Variants in BAZ1A observed in about 807,000 individuals in gnomAD.
The protein encoded by BAZ1A is bromodomain adjacent to zinc finger domain protein 1A.
Under a neutral mutation model 185.2 loss-of-function variants are expected in BAZ1A, and 50 were observed. The ratio of observed to expected loss-of-function variants is 0.27; its 90% CI spans 0.22 to 0.34. The LOEUF is 0.34. BAZ1A is among the 10% of genes least tolerant of loss of function. The pLI, the probability that BAZ1A is intolerant of heterozygous loss-of-function variation, is 1.00. For missense variants in BAZ1A, 1,356 were observed against 1,839.9 expected, an observed-to-expected ratio of 0.74 and a Z score of 4.81; for synonymous variants, 571 against 615.6, an observed-to-expected ratio of 0.93 and a Z score of 1.07.
intron 4 of BAZ1A, among the ~76,000 whole-genome samples, chr14:34,821,043 C>A (rs1002796449): frequency 6.6e-6 from 1 of 152,154 alleles, no homozygotes; most frequent in African/African-American, 2.4e-5. Context: ...TTCTGGGTCT[C>A]CCGTCTCTCC....
At chr14:34,862,809 AAAAGG>A (rs2042790766) in intron 2 of BAZ1A, among the ~76,000 whole-genome samples, 1 of 151,672 alleles carries the variant, frequency 6.6e-6, no homozygotes, top group African/African-American at 2.4e-5. Context: ...GGAAAAGAGA[AAAAGG>A]AAAGAAAATA....
At chr14:34,863,149 C>T (rs1417050295) in intron 2 of BAZ1A, among the ~76,000 whole-genome samples, 2 of 123,114 alleles carry the variant, frequency 1.6e-5, no homozygotes, top group African/African-American at 3.0e-5. Flanking sequence ...CCACCACGCT[C>T]GGCTTTTTTT....
intron 24 of BAZ1A, among the ~76,000 whole-genome samples, chr14:34,759,192 T>C (rs1476283662): frequency 7.4e-6 from 1 of 135,844 alleles, no homozygotes; most frequent in Non-Finnish European, 1.6e-5. Context: ...TTTTTTTTTT[T>C]TTTTTTGAGA....
At position 34,774,454 on chromosome 14, in the gene BAZ1A, C is replaced by T. The variant is rs1444941863; in HGVS notation, c.2870G>A (p.Arg957Gln). The T allele has an allele frequency of 5.6e-6, 9 of 1,608,996 alleles. No homozygotes were observed. Among genetic ancestry groups the T allele is most frequent in the South Asian group, 1.1e-5 (1 of 89,936 alleles). The part of the protein sequence containing the change: ...PQPDSKPTYS[R>Q]GRSSNAYDPS... ...ATCATATGCATTGGAAGATCTTCCC[C>T]GACTATATGTTGGTTTGCTATCAGG... The change falls in exon 19 of 27, where the codon CGG becomes CAG. Residue 957 changes from arginine to glutamine, a missense_variant. Arg to Gln is a conservative substitution (Grantham distance 43). Around this residue, in one of 7 missense-constraint regions of BAZ1A, gnomAD observed 434 missense variants for 561.7 expected, o/e 0.77. Coordinates refer to ENST00000360310, the MANE Select transcript of BAZ1A (RefSeq NM_013448.3).
At position 34,874,508 on chromosome 14, in the gene BAZ1A, T is replaced by G; in HGVS notation, c.97A>C (p.Ile33Leu). 2 of 1,611,952 alleles carry G rather than the reference T, an allele frequency of 1.2e-6. No individual in the cohort carries two copies. Among genetic ancestry groups the G allele is most frequent in the Non-Finnish European group, 1.7e-6 (2 of 1,179,132 alleles). Residue 33 changes from isoleucine to leucine, a missense_variant, in exon 2 of 27, where the codon ATC (isoleucine) becomes CTC (leucine). Ile to Leu is a conservative substitution (Grantham distance 5, BLOSUM62 2). Coordinates refer to ENST00000360310, the MANE Select transcript of BAZ1A (RefSeq NM_013448.3). The surrounding 1 kb of genome is among the most constrained non-coding windows in gnomAD (Gnocchi z 4.7). The part of the protein sequence containing the change: ...EVFYCKVTNE[I>L]FRHYDDFFER... Reference sequence around the variant, plus strand: ...GGCTCTTACTCGTAGTGGCGGAAGATCTCGTTGGTGACTTTACAGTAGAAA... The same window carrying G: ...GGCTCTTACTCGTAGTGGCGGAAGAGCTCGTTGGTGACTTTACAGTAGAAA...
At chr14:34,796,842 A>T (rs1156621019) in intron 9 of BAZ1A, among the ~76,000 whole-genome samples, 2 of 152,246 alleles carry the variant, frequency 1.3e-5, no homozygotes, top group Non-Finnish European at 2.9e-5. Context: ...GCTTAAATAA[A>T]TTATCCACCC....
chr14:34,800,201 A>G, intron 9 of BAZ1A, 23 bp downstream of exon 9: 1 of 1,364,920 alleles, frequency 7.3e-7, no homozygotes, highest in Non-Finnish European at 9.9e-7. Flanking sequence ...TAGAGAGTAT[A>G]GCTAATATAC....
chr14:34,807,969 G>A (rs578077917), intron 5 of BAZ1A, among the ~76,000 whole-genome samples: 37 of 152,104 alleles, frequency 2.4e-4, no homozygotes, highest in Non-Finnish European at 4.6e-4. Context: ...GCAGGGTGTG[G>A]TGGCGCGTGC....
intron 4 of BAZ1A, among the ~76,000 whole-genome samples, chr14:34,818,558 A>G (rs997317156): frequency 6.6e-6 from 1 of 152,188 alleles, no homozygotes; most frequent in African/African-American, 2.4e-5. Flanking sequence ...TACATATTCT[A>G]TGGGTTTTCA....
At chr14:34,781,365 C>CT (rs1331245173) in intron 16 of BAZ1A, among the ~76,000 whole-genome samples, 1 of 152,084 alleles carries the variant, frequency 6.6e-6, no homozygotes, top group African/African-American at 2.4e-5. Context: ...TCCAGAACAC[C>CT]TTCATCATAC....
At position 34,809,249 on chromosome 14, in the gene BAZ1A, T is replaced by C. The variant is rs183450086; in HGVS notation, c.638+1686A>G. Among the ~76,000 whole-genome samples the C allele has an allele frequency of 3.4e-3, 515 of 152,238 alleles. 3 individuals are homozygous for C. The highest frequency in any genetic ancestry group is 0.012 in the African/African-American group (493 of 41,558). On this transcript the variant is annotated intron_variant, in intron 5 of 26. Transcript: ENST00000360310. Reference sequence around the variant, plus strand: ...TTCTTTTCCTAGACTTAAAGCTCCATGAGAACAAGGACTCTGCTACATCTC... The same window carrying C: ...TTCTTTTCCTAGACTTAAAGCTCCACGAGAACAAGGACTCTGCTACATCTC...
Position 34,841,552 on chromosome 14 carries a change from G to A in BAZ1A, c.393-15396C>T, listed in dbSNP as rs1035573663. Among the ~76,000 whole-genome samples the A allele has an allele frequency of 4.6e-5, 7 of 152,048 alleles. No individual in the cohort carries two copies. In the East Asian group the frequency reaches 5.8e-4, roughly 13 times the overall value. On this transcript the variant is annotated intron_variant, in intron 3 of 26. Transcript: ENST00000360310. ...TTACAGGCATGTGCCAACATGCCCA[G>A]CTAATTTTTGTATTTTTAGTAGAGA...
At chr14:34,861,169 A>T (rs998502563) in intron 3 of BAZ1A, among the ~76,000 whole-genome samples, 5 of 152,180 alleles carry the variant, frequency 3.3e-5, no homozygotes, top group African/African-American at 4.8e-5. Context: ...CAGGTCAATA[A>T]TGGGGGCAGG....
intron 2 of BAZ1A, among the ~76,000 whole-genome samples, chr14:34,867,095 T>C (rs1594917975): frequency 1.3e-5 from 2 of 151,912 alleles, no homozygotes; most frequent in East Asian, 3.9e-4. Flanking sequence ...CCATCTCTAC[T>C]AAAAATACAA....
intron 2 of BAZ1A, among the ~76,000 whole-genome samples, chr14:34,871,456 GGTCA>G (rs1385954503): frequency 6.6e-6 from 1 of 152,232 alleles, no homozygotes; most frequent in South Asian, 2.1e-4. Flanking sequence ...TGAAAAAGCA[GGTCA>G]ATCAAGAGTT....
Position 34,875,344 on chromosome 14 carries a change from T to C in BAZ1A, c.-265A>G, listed in dbSNP as rs1186763214. The C allele has an allele frequency of 4.4e-6, 2 of 456,010 alleles. No homozygotes were observed. Among genetic ancestry groups the C allele is most frequent in the Non-Finnish European group, 8.8e-6 (2 of 226,808 alleles). The allele number at this position is 456,010 out of a possible 1,614,324, so 28.2% of individuals were successfully genotyped here. A position where few individuals can be genotyped will look rare whatever the true frequency, so the allele number is the denominator to read the frequency against. On this transcript the variant is annotated 5_prime_UTR_variant, in exon 1 of 27. Coordinates refer to ENST00000360310, the MANE Select transcript of BAZ1A (RefSeq NM_013448.3). ...CGGAGCTCCTGGGAAGTTTCTGATC[T>C]ACTTTCGGCTCTGAAGGAGGAAGAG...
In BAZ1A at chr14:34,773,769, T is replaced by C. The variant is rs1433547841; in HGVS notation, c.2998-43A>G. 4 of 1,594,032 alleles carry C rather than the reference T, an allele frequency of 2.5e-6. No homozygotes were observed. The Admixed American group carries it at 6.8e-5, about 27-fold the overall frequency. On this transcript the variant is annotated intron_variant, in intron 19 of 26. Coordinates refer to ENST00000360310, the MANE Select transcript of BAZ1A (RefSeq NM_013448.3). ...CTTACTAACCATGAAAAATGGAATA[T>C]ATTGTTTCTGAGAGGTATGAAGTTC...
intron 12 of BAZ1A, among the ~76,000 whole-genome samples, chr14:34,791,010 T>C (rs1021221426): frequency 2.6e-5 from 4 of 152,132 alleles, no homozygotes; most frequent in Middle Eastern, 3.4e-3. Context: ...TAATCCCAGC[T>C]ACTCAGGAGG....
rs963949524 is a variant in BAZ1A, at chr14:34,761,980, A to G, written c.4020T>C (p.His1340=). The G allele has an allele frequency of 6.2e-7, 1 of 1,614,222 alleles. No homozygotes were observed. Among genetic ancestry groups the G allele is most frequent in the Non-Finnish European group, 8.5e-7 (1 of 1,180,046 alleles). Residue 1340 remains histidine (H), a synonymous_variant, in exon 24 of 27, where the codon CAT becomes CAC. Coordinates refer to ENST00000360310, the MANE Select transcript of BAZ1A (RefSeq NM_013448.3). ...RIASRSTRHS[H]GPLQADVFVE... is the part of the protein sequence containing the mutation. ...CAAATACATCTGCTTGCAGTGGGCC[A>G]TGACTGTGGCGAGTAGAACGACTGG...
Sources: allele counts gnomAD v4.1 joint callset (sites outside exome capture counted in the v4.1 genomes callset), GRCh38; gene constraint gnomAD v4.1.1; regional missense constraint gnomAD v4.1.1; non-coding constraint Gnocchi (gnomAD v3.1); transcripts MANE v1.5; gene names NCBI Gene and HGNC (gene_info 2026-07-23, HGNC 2026-07-21).